Variants in ZFP2 observed in about 807,000 individuals in gnomAD.
ZFP2 encodes zinc finger protein ZFP2.
ZFP2 carries 33 observed loss-of-function variants against 36.1 expected under a neutral mutation model. The observed-to-expected ratio is 0.92, with a 90% CI of 0.69 to 1.22. The LOEUF is 1.22. ZFP2 is among the 50% of genes most tolerant of loss of function. ZFP2 has a pLI of 0.00. For missense variants in ZFP2, 522 were observed against 551.4 expected (o/e 0.95, Z 0.53); for synonymous variants, 170 against 178.0 (o/e 0.96, Z 0.36).
intron 4 of ZFP2, among the ~76,000 whole-genome samples, chr5:178,928,954 T>A (rs145648681): frequency 6.6e-6 from 1 of 152,362 alleles, no homozygotes; most frequent in East Asian, 1.9e-4. Context: ...TTCAACTGTG[T>A]ATACCCACAG....
chr5:178,922,477 G>A, intron 4 of ZFP2: 1 of 1,376,278 alleles, frequency 7.3e-7, no homozygotes, highest in Non-Finnish European at 1.0e-6. Flanking sequence ...TCAAAGCATG[G>A]CTAAGAGTTT....
At chr5:178,896,777 T>C (rs1013943146) in intron 1 of ZFP2, among the ~76,000 whole-genome samples, 9 of 152,232 alleles carry the variant, frequency 5.9e-5, no homozygotes, top group African/African-American at 2.2e-4. Flanking sequence ...CAGCTTTTTC[T>C]CCATCTATCT....
chr5:178,897,948 G>C (rs1246371341), intron 1 of ZFP2, among the ~76,000 whole-genome samples: 1 of 152,094 alleles, frequency 6.6e-6, no homozygotes, highest in Non-Finnish European at 1.5e-5. Flanking sequence ...AAAAGTCTTA[G>C]TTGTTGTAAC....
chr5:178,918,918 G>T (rs907891023), intron 4 of ZFP2, among the ~76,000 whole-genome samples: 3 of 152,088 alleles, frequency 2.0e-5, no homozygotes, highest in Non-Finnish European at 4.4e-5. Flanking sequence ...TACTGCTCAG[G>T]CTCCAAGCCC....
At chr5:178,927,395 G>A (rs979610742) in intron 4 of ZFP2, among the ~76,000 whole-genome samples, 2 of 152,204 alleles carry the variant, frequency 1.3e-5, no homozygotes, top group African/African-American at 2.4e-5. Flanking sequence ...ATGTTCCAGA[G>A]GAGTATATTC....
chr5:178,922,575 G>A lies in ZFP2; in HGVS notation c.-78+5865G>A, dbSNP rs1323682543. 36 of 1,523,620 alleles carry A rather than the reference G, an allele frequency of 2.4e-5. No individual in the cohort carries two copies. In the East Asian group the frequency reaches 6.2e-4, roughly 26 times the overall value. The allele number at this position is 1,523,620 out of a possible 1,614,324, so 94.4% of individuals were successfully genotyped here. ...TTTGTAGGAGCATGGCTTGGAGCAC[G>A]TCCTATTCCTTGACAGGGCAAGAGC... On this transcript the variant is annotated intron_variant, in intron 4 of 4. Coordinates refer to ENST00000361362, the MANE Select transcript of ZFP2 (RefSeq NM_030613.4).
At chr5:178,927,184 A>G (rs894637072) in intron 4 of ZFP2, among the ~76,000 whole-genome samples, 4 of 152,112 alleles carry the variant, frequency 2.6e-5, no homozygotes, top group African/African-American at 7.2e-5. Flanking sequence ...CTCCTCTCAA[A>G]CAGTTTAGCA....
chr5:178,902,424 T>C (rs1758078811), intron 1 of ZFP2, among the ~76,000 whole-genome samples: 1 of 152,202 alleles, frequency 6.6e-6, no homozygotes, highest in Non-Finnish European at 1.5e-5. Flanking sequence ...GTCCTTTATC[T>C]GGTGCAGAAT....
chr5:178,902,727 T>C (rs953740), intron 1 of ZFP2, among the ~76,000 whole-genome samples: 95,665 of 152,010 alleles, frequency 0.63, 30,988 homozygotes, highest in Non-Finnish European at 0.71. Flanking sequence ...TATTATCTCT[T>C]CTCATAAAAA....
At chr5:178,921,209 A>G (rs1420835253) in intron 4 of ZFP2, among the ~76,000 whole-genome samples, 1 of 152,176 alleles carries the variant, frequency 6.6e-6, no homozygotes, top group Non-Finnish European at 1.5e-5. Context: ...AGGTGAGCCC[A>G]GGAGTTCTTA....
chr5:178,909,269 G>C (rs1423573891), intron 1 of ZFP2, among the ~76,000 whole-genome samples: 1 of 152,208 alleles, frequency 6.6e-6, no homozygotes, highest in Non-Finnish European at 1.5e-5. Flanking sequence ...TAGTTCGATT[G>C]TATCGTAAAC....
chr5:178,900,388 C>G (rs974601788), intron 1 of ZFP2, among the ~76,000 whole-genome samples: 1 of 115,848 alleles, frequency 8.6e-6, no homozygotes, highest in African/African-American at 3.3e-5. Flanking sequence ...CGTCCCCCAC[C>G]CCAGCCAGCC....
chr5:178,932,248 A>G lies in ZFP2; in HGVS notation c.935A>G (p.Tyr312Cys), dbSNP rs116643937. 7 of 1,614,100 alleles carry G rather than the reference A, an allele frequency of 4.3e-6. No individual in the cohort carries two copies. Among genetic ancestry groups the G allele is most frequent in the East Asian group, 4.5e-5 (2 of 44,896 alleles). The change falls in exon 5 of 5, where the codon TAT (tyrosine) becomes TGT (cysteine). Residue 312 changes from tyrosine (Y) to cysteine (C), a missense_variant. Transcript: ENST00000361362. ...GGGAAATCCTTTAGCCAAAGTACAT[A>G]TCTTATAGAACATCAGAGACTTCAT... ...KCGKSFSQST[Y>C]LIEHQRLHSG...
At chr5:178,898,269 A>T (rs932993071) in intron 1 of ZFP2, among the ~76,000 whole-genome samples, 1 of 152,244 alleles carries the variant, frequency 6.6e-6, no homozygotes, top group African/African-American at 2.4e-5. Context: ...TACAGGCGTG[A>T]GCCACCGCGC....
chr5:178,921,290 C>G (rs1758557230), intron 4 of ZFP2, among the ~76,000 whole-genome samples: 1 of 152,214 alleles, frequency 6.6e-6, no homozygotes, highest in African/African-American at 2.4e-5. Flanking sequence ...TTCCCTGTGG[C>G]TGTCCTTTTG....
intron 1 of ZFP2, among the ~76,000 whole-genome samples, chr5:178,896,278 C>T (rs1296937100): frequency 6.6e-6 from 1 of 152,216 alleles, no homozygotes; most frequent in African/African-American, 2.4e-5. Flanking sequence ...GATGGGGGCT[C>T]GAACAAGGGC....
chr5:178,911,887 GC>G (rs1758304518), intron 1 of ZFP2, among the ~76,000 whole-genome samples: 1 of 152,138 alleles, frequency 6.6e-6, no homozygotes, highest in Non-Finnish European at 1.5e-5. Flanking sequence ...TGTAATCCCA[GC>G]TCTTTGGGAG....
At chr5:178,930,282 A>G (rs1279069911) in intron 4 of ZFP2, among the ~76,000 whole-genome samples, 1 of 112,090 alleles carries the variant, frequency 8.9e-6, no homozygotes. Flanking sequence ...TTTACTTCCT[A>G]TATCATATTT....
intron 4 of ZFP2, among the ~76,000 whole-genome samples, chr5:178,919,231 C>A (rs1183541318): frequency 1.3e-5 from 2 of 152,152 alleles, no homozygotes; most frequent in Non-Finnish European, 1.5e-5. Context: ...TCAGGTTGAT[C>A]ATATGACCTA....
Sources: gnomAD v4.1 joint callset for allele counts (sites outside exome capture counted in the v4.1 genomes callset) on GRCh38, gnomAD v4.1.1 for gene constraint, MANE v1.5 for transcripts, NCBI Gene and HGNC (gene_info 2026-07-23, HGNC 2026-07-21) for gene names.